The following CT47C1 variants were observed in gnomAD, a reference collection of about 807,000 sequenced individuals.
The protein encoded by CT47C1 is cancer/testis antigen family 47 member C1, also known as cancer/testis antigen family 47 member A11 pseudogene.
chrX:119,073,972 G>A, the CT47C1 span: 1,474 of 734,856 alleles, frequency 2.0e-3, 20 homozygotes, highest in South Asian at 0.033. Flanking sequence ...AGGCCGCAGA[G>A]GAGGAGCTCG....
the CT47C1 span, chrX:119,074,121 G>C: frequency 2.1e-6 from 1 of 483,464 alleles, no homozygotes; most frequent in East Asian, 3.3e-5. Context: ...ACAGGGACCC[G>C]TGCACCCAAG....
At chrX:119,073,302 A>T in the CT47C1 span, 3 of 508,817 alleles carry the variant, frequency 5.9e-6, no homozygotes, top group South Asian at 8.4e-5. Flanking sequence ...GCGCAGGCCG[A>T]GGCCGTAGGT....
chrX:119,073,837 G>A, the CT47C1 span: 8 of 879,386 alleles, frequency 9.1e-6, no homozygotes, highest in African/African-American at 1.9e-5. Flanking sequence ...AGCCTGAGGT[G>A]CCAGCAGACC....
the CT47C1 span, among the ~76,000 whole-genome samples, chrX:119,074,531 A>G: frequency 8.1e-5 from 9 of 111,467 alleles, no homozygotes; most frequent in African/African-American, 2.9e-4. Flanking sequence ...ATGAAGTGAT[A>G]CAGGGGCCCT....
At chrX:119,075,226 T>TA in the CT47C1 span, 6 of 936,643 alleles carry the variant, frequency 6.4e-6, no homozygotes, top group East Asian at 1.9e-4. Context: ...GGTTTTAGTT[T>TA]AAAAATTCAA....
At chrX:119,074,952 C>A in the CT47C1 span, 2 of 1,032,522 alleles carry the variant, frequency 1.9e-6, no homozygotes, top group Non-Finnish European at 2.7e-6. Context: ...TATTATTCTT[C>A]GCTAAAGAAG....
the CT47C1 span, chrX:119,073,447 C>T: frequency 1.9e-6 from 1 of 514,940 alleles, no homozygotes; most frequent in Non-Finnish European, 3.5e-6. Context: ...GTGGGAACGC[C>T]GAGGAAGACT....
At chrX:119,075,278 G>T in the CT47C1 span, among the ~76,000 whole-genome samples, 1 of 112,529 alleles carries the variant, frequency 8.9e-6, no homozygotes, top group Admixed American at 9.4e-5. Flanking sequence ...CATGTACGTA[G>T]TAATATGAAC....
the CT47C1 span, among the ~76,000 whole-genome samples, chrX:119,075,306 T>C: frequency 8.9e-6 from 1 of 112,734 alleles, no homozygotes; most frequent in African/African-American, 3.2e-5. Flanking sequence ...TGTTCTGAAA[T>C]ACACTTCATG....
At chrX:119,073,638 G>T in the CT47C1 span, 1 of 568,390 alleles carries the variant, frequency 1.8e-6, no homozygotes. Context: ...CTTCTCCTCC[G>T]CATCTATCAC....
At chrX:119,075,149 C>A in the CT47C1 span, 2,451 of 1,052,818 alleles carry the variant, frequency 2.3e-3, 4 homozygotes, top group Non-Finnish European at 2.4e-3. Flanking sequence ...CTCAACTATT[C>A]CTGGCATTTA....
chrX:119,073,367 G>T, the CT47C1 span: 5 of 534,483 alleles, frequency 9.4e-6, no homozygotes, highest in Non-Finnish European at 1.3e-5. Flanking sequence ...GGCCGGAGTC[G>T]CAGGGCCCAT....
the CT47C1 span, among the ~76,000 whole-genome samples, chrX:119,074,445 A>C: frequency 9.0e-6 from 1 of 111,458 alleles, no homozygotes; most frequent in Non-Finnish European, 1.9e-5. Flanking sequence ...AGAAAAGAAC[A>C]GGCAAATGGC....
chrX:119,073,399 G>T, the CT47C1 span: 1 of 531,909 alleles, frequency 1.9e-6, no homozygotes, highest in East Asian at 3.4e-5. Flanking sequence ...GGGAGGAGGA[G>T]GGTGAGCAGG....
At chrX:119,074,031 A>C in the CT47C1 span, 41 of 569,187 alleles carry the variant, frequency 7.2e-5, no homozygotes, top group Non-Finnish European at 1.2e-4. Context: ...GCTGCAGAGG[A>C]GGAGTCCGCA....
the CT47C1 span, chrX:119,073,925 G>GAGCCCGCAGAGGAGGCCTCAGAGA: frequency 1.2e-6 from 1 of 820,921 alleles, no homozygotes; most frequent in Non-Finnish European, 1.8e-6. Context: ...GGCCGCAGAA[G>GAGCCCGCAGAGGAGGCCTCAGAGA]AGCCCGCAGA....
At chrX:119,074,156 C>T in the CT47C1 span, 5 of 425,312 alleles carry the variant, frequency 1.2e-5, no homozygotes, top group South Asian at 1.5e-4. Context: ...CCGCGGTGTG[C>T]GCACAGCTGG....
At chrX:119,074,211 G>T in the CT47C1 span, 2 of 389,728 alleles carry the variant, frequency 5.1e-6, no homozygotes, top group East Asian at 8.0e-5. Context: ...GTGGTGAAGT[G>T]GGGGTCAGGG....
At chrX:119,073,691 C>T in the CT47C1 span, 3 of 644,690 alleles carry the variant, frequency 4.7e-6, no homozygotes, top group South Asian at 2.8e-5. Flanking sequence ...CCGCCTGATG[C>T]GGAGGCGCCG....
Sources: gnomAD v4.1 joint callset for allele counts (sites outside exome capture counted in the v4.1 genomes callset) on GRCh38, gnomAD v4.1.1 for gene constraint, MANE v1.5 for transcripts, NCBI Gene and HGNC (gene_info 2026-07-23, HGNC 2026-07-21) for gene names.